ERBB4: variants seen among roughly 807,000 people sequenced by gnomAD.
ERBB4 encodes erb-b2 receptor tyrosine kinase 4.
Under a neutral mutation model 158.0 loss-of-function variants are expected in ERBB4, and 42 were observed. The ratio of observed to expected loss-of-function variants is 0.27; its 90% CI spans 0.21 to 0.34. The LOEUF (loss-of-function observed/expected upper bound fraction) is 0.34. Among genes scored for constraint, ERBB4 ranks in the 10% least tolerant of loss-of-function variants. ERBB4 has a pLI of 1.00. For missense variants in ERBB4, 1,333 were observed against 1,624.1 expected (o/e 0.82, Z 3.08); for synonymous variants, 583 against 558.7 (o/e 1.04, Z -0.61).
At chr2:211,645,647 G>A (rs1458977291) in intron 16 of ERBB4, among the ~76,000 whole-genome samples, 1 of 151,582 alleles carries the variant, frequency 6.6e-6, no homozygotes, top group Non-Finnish European at 1.5e-5. Flanking sequence ...AAGTTATTCA[G>A]TCTTTGGCAA....
intron 1 of ERBB4, among the ~76,000 whole-genome samples, chr2:212,191,983 T>TTA (rs751176243): frequency 8.7e-6 from 1 of 114,616 alleles, no homozygotes; most frequent in African/African-American, 3.3e-5. Context: ...GTTATATATG[T>TTA]TATATGTTAT....
At chr2:212,026,111 C>T (rs952257387) in intron 2 of ERBB4, among the ~76,000 whole-genome samples, 1 of 151,070 alleles carries the variant, frequency 6.6e-6, no homozygotes, top group Non-Finnish European at 1.5e-5. Flanking sequence ...ATACGTAAGC[C>T]AAAGCAAGCA....
At chr2:212,131,899 T>C (rs929230005) in intron 1 of ERBB4, among the ~76,000 whole-genome samples, 12 of 152,108 alleles carry the variant, frequency 7.9e-5, no homozygotes, top group African/African-American at 2.4e-4. Flanking sequence ...AAATGGGTAG[T>C]AGAGAAAGGT....
chr2:211,560,278 T>C (rs2067353415), intron 20 of ERBB4, among the ~76,000 whole-genome samples: 1 of 133,496 alleles, frequency 7.5e-6, no homozygotes, highest in African/African-American at 3.0e-5. Flanking sequence ...TTTTTTTTTT[T>C]TTTTTTTTTT....
chr2:211,870,610 A>G (rs1031069211), intron 3 of ERBB4, among the ~76,000 whole-genome samples: 2 of 152,182 alleles, frequency 1.3e-5, no homozygotes, highest in African/African-American at 4.8e-5. Flanking sequence ...TTGTGGTAAT[A>G]TAACAACCTT....
chr2:212,516,325 A>T (rs969000131), intron 1 of ERBB4, among the ~76,000 whole-genome samples: 15 of 152,078 alleles, frequency 9.9e-5, no homozygotes, highest in African/African-American at 3.1e-4. Flanking sequence ...CATAAAAGTT[A>T]CCTATTAAAT....
At chr2:212,476,441 C>T (rs1011412918) in intron 1 of ERBB4, among the ~76,000 whole-genome samples, 5 of 152,036 alleles carry the variant, frequency 3.3e-5, no homozygotes. Context: ...ATGTACATAT[C>T]CTGATGTCAA....
intron 2 of ERBB4, among the ~76,000 whole-genome samples, chr2:212,080,803 T>C (rs1193110675): frequency 6.6e-6 from 1 of 152,160 alleles, no homozygotes; most frequent in Non-Finnish European, 1.5e-5. Context: ...TTCCACTGAT[T>C]CCTTCCCCAT....
chr2:212,250,094 G>T (rs2084475612), intron 1 of ERBB4, among the ~76,000 whole-genome samples: 1 of 151,940 alleles, frequency 6.6e-6, no homozygotes, highest in Non-Finnish European at 1.5e-5. Context: ...ATTTATTGGG[G>T]CTTAATTCTT....
chr2:211,749,342 A>G lies in ERBB4; in HGVS notation c.622+1297T>C, dbSNP rs376787749. Among the ~76,000 whole-genome samples the G allele has an allele frequency of 1.6e-4, 24 of 152,356 alleles. 2 individuals carry two copies. The highest frequency in any genetic ancestry group is 5.8e-4 in the African/African-American group (24 of 41,602). On this transcript the variant is annotated intron_variant, in intron 5 of 27. Transcript: ENST00000342788. ...TTCATACACATGCATGGGTTGAAGA[A>G]ATCAAGCTGTAGTACAACATGCAAA... is the stretch of plus-strand genomic sequence containing the variant.
intron 1 of ERBB4, among the ~76,000 whole-genome samples, chr2:212,129,849 G>C (rs1178627622): frequency 1.3e-5 from 2 of 151,780 alleles, no homozygotes; most frequent in Admixed American, 1.3e-4. Context: ...AGATATTTTT[G>C]TCTCATTGAG....
At chr2:211,808,462 C>A (rs932231047) in intron 3 of ERBB4, among the ~76,000 whole-genome samples, 1 of 151,956 alleles carries the variant, frequency 6.6e-6, no homozygotes, top group African/African-American at 2.4e-5. Context: ...ATTTCTGAGG[C>A]CTCTGTTCTG....
chr2:212,528,651 T>C (rs763469272), intron 1 of ERBB4, among the ~76,000 whole-genome samples: 1 of 152,212 alleles, frequency 6.6e-6, no homozygotes, highest in Non-Finnish European at 1.5e-5. Flanking sequence ...GTACAATTAG[T>C]GCACCCTAGT....
chr2:211,945,926 G>A (rs1296553003), intron 3 of ERBB4, among the ~76,000 whole-genome samples: 2 of 151,944 alleles, frequency 1.3e-5, no homozygotes, highest in Non-Finnish European at 2.9e-5. Flanking sequence ...AAATCATGAT[G>A]AAAACACAAT....
chr2:212,102,304 T>A (rs2079108525), intron 2 of ERBB4, among the ~76,000 whole-genome samples: 1 of 151,732 alleles, frequency 6.6e-6, no homozygotes, highest in African/African-American at 2.4e-5. Context: ...TCTGGTCAAT[T>A]TGCTTCTAAA....
At chr2:212,094,512 T>C (rs2078870367) in intron 2 of ERBB4, among the ~76,000 whole-genome samples, 1 of 151,334 alleles carries the variant, frequency 6.6e-6, no homozygotes, top group South Asian at 2.1e-4. Context: ...TCAAACTTGT[T>C]CTTTAAAACT....
At chr2:211,424,975 G>A (rs1398962351) in intron 22 of ERBB4, among the ~76,000 whole-genome samples, 2 of 152,068 alleles carry the variant, frequency 1.3e-5, no homozygotes, top group African/African-American at 4.8e-5. Context: ...TGAATCACTG[G>A]GACATTGATT....
At chr2:211,871,829 T>A (rs1411960273) in intron 3 of ERBB4, among the ~76,000 whole-genome samples, 1 of 152,138 alleles carries the variant, frequency 6.6e-6, no homozygotes, top group Non-Finnish European at 1.5e-5. Context: ...CAATCAGCAC[T>A]AAATCTAGTA....
chr2:212,504,753 T>C (rs1252122929), intron 1 of ERBB4, among the ~76,000 whole-genome samples: 2 of 152,162 alleles, frequency 1.3e-5, no homozygotes, highest in African/African-American at 4.8e-5. Context: ...AAAGTTTGAT[T>C]ATGATTTGAT....
Sources: gnomAD v4.1 joint callset for allele counts (sites outside exome capture counted in the v4.1 genomes callset) on GRCh38, gnomAD v4.1.1 for gene constraint, MANE v1.5 for transcripts, NCBI Gene and HGNC (gene_info 2026-07-23, HGNC 2026-07-21) for gene names.